The following NBAS variants were observed in gnomAD, a reference collection of about 807,000 sequenced individuals.
NBAS encodes NAG/BC035112 fusion.
A neutral mutation model predicts 302.5 loss-of-function variants in NBAS; 219 were observed. The ratio of observed to expected loss-of-function variants is 0.72; its 90% CI spans 0.65 to 0.81. The LOEUF (loss-of-function observed/expected upper bound fraction) is 0.81. Ranked by LOEUF, NBAS falls within the 30% of genes least tolerant of loss-of-function variation. The pLI, the probability that NBAS is intolerant of heterozygous loss-of-function variation, is 0.00. For missense variants in NBAS, 2,932 were observed against 2,841.6 expected, an observed-to-expected ratio of 1.03 and a Z score of -0.72; for synonymous variants, 1,118 against 1,021.6, an observed-to-expected ratio of 1.09 and a Z score of -1.80.
chr2:15,222,654 A>T (rs1157438637), intron 47 of NBAS, among the ~76,000 whole-genome samples: 1 of 152,200 alleles, frequency 6.6e-6, no homozygotes, highest in Non-Finnish European at 1.5e-5. Context: ...TGGCATTTTG[A>T]GCTGAATGAT....
chr2:15,121,281 C>T, the NBAS span, among the ~76,000 whole-genome samples: 1 of 152,168 alleles, frequency 6.6e-6, no homozygotes, highest in Non-Finnish European at 1.5e-5. Context: ...GCTTAACTCC[C>T]TTCTGTAGCT....
chr2:15,462,898 G>A (rs1452950861), intron 19 of NBAS, among the ~76,000 whole-genome samples: 1 of 152,192 alleles, frequency 6.6e-6, no homozygotes, highest in Admixed American at 6.5e-5. Flanking sequence ...CATCTGAAAA[G>A]TAGATGGAGG....
chr2:14,789,475 G>A, the NBAS span, among the ~76,000 whole-genome samples: 1 of 152,114 alleles, frequency 6.6e-6, no homozygotes, highest in Admixed American at 6.6e-5. Flanking sequence ...GGCCATATTG[G>A]CTGCCAAGTT....
chr2:15,341,632 C>T (rs1672857816), intron 35 of NBAS, among the ~76,000 whole-genome samples: 1 of 151,824 alleles, frequency 6.6e-6, no homozygotes, highest in Non-Finnish European at 1.5e-5. Flanking sequence ...AATGCACGGG[C>T]CTTATGAAGA....
intron 35 of NBAS, among the ~76,000 whole-genome samples, chr2:15,331,737 C>A (rs957248308): frequency 2.6e-5 from 4 of 152,192 alleles, no homozygotes; most frequent in African/African-American, 9.7e-5. Context: ...TTAGATCAAG[C>A]TGACAGTTGC....
chr2:15,126,588 A>T, the NBAS span, among the ~76,000 whole-genome samples: 1 of 152,098 alleles, frequency 6.6e-6, no homozygotes, highest in Non-Finnish European at 1.5e-5. Context: ...GGGTACTGAT[A>T]CTCCACACTC....
intron 1 of NBAS, among the ~76,000 whole-genome samples, chr2:15,558,885 G>A (rs773257331): frequency 6.6e-6 from 1 of 151,694 alleles, no homozygotes; most frequent in South Asian, 2.1e-4. Context: ...CCTGAGCAAC[G>A]TGGCAAAACC....
At chr2:15,225,851 T>C (rs934815467) in intron 47 of NBAS, among the ~76,000 whole-genome samples, 12 of 152,168 alleles carry the variant, frequency 7.9e-5, no homozygotes, top group Non-Finnish European at 1.6e-4. Flanking sequence ...GGAAGTTTTT[T>C]AAAGCTAGAT....
chr2:15,513,989 T>C (rs1312570301), intron 9 of NBAS, among the ~76,000 whole-genome samples: 2 of 152,044 alleles, frequency 1.3e-5, no homozygotes, highest in East Asian at 3.9e-4. Flanking sequence ...AGAACCTGTC[T>C]AAAAAAGAGG....
intron 41 of NBAS, 30 bp from the exon 42 acceptor site, chr2:15,287,213 G>A: frequency 6.4e-7 from 1 of 1,561,850 alleles, no homozygotes; most frequent in Non-Finnish European, 8.8e-7. Flanking sequence ...GCCCAGGAAG[G>A]GAGAGAGGAG....
At chr2:14,959,043 T>C in the NBAS span, among the ~76,000 whole-genome samples, 1 of 151,796 alleles carries the variant, frequency 6.6e-6, no homozygotes, top group Non-Finnish European at 1.5e-5. Context: ...AAGGAAGGAG[T>C]TGAGAAGAAC....
intron 31 of NBAS, among the ~76,000 whole-genome samples, chr2:15,374,329 G>A (rs1257750523): frequency 1.3e-5 from 2 of 151,776 alleles, no homozygotes; most frequent in African/African-American, 4.8e-5. Context: ...ATCTTTTTTT[G>A]TTTTTACTCT....
intron 23 of NBAS, 71 bp downstream of exon 23, chr2:15,424,244 G>GTGTACT: frequency 6.4e-7 from 1 of 1,553,624 alleles, no homozygotes; most frequent in Admixed American, 1.7e-5. Context: ...CCCCGACTCC[G>GTGTACT]TGTACTGAAT....
intron 50 of NBAS, 21 bp downstream of exon 50, chr2:15,186,721 G>A: frequency 6.2e-7 from 1 of 1,613,640 alleles, no homozygotes; most frequent in Non-Finnish European, 8.5e-7. Context: ...CCTTAGGAAA[G>A]CACTCAAAAT....
the NBAS span, among the ~76,000 whole-genome samples, chr2:15,069,996 C>A: frequency 2.5e-4 from 6 of 23,530 alleles, no homozygotes; most frequent in Admixed American, 1.4e-3. Flanking sequence ...TTGGTCAGAA[C>A]CCCCCCACCA....
intron 10 of NBAS, among the ~76,000 whole-genome samples, chr2:15,509,665 T>C (rs1047368154): frequency 6.6e-6 from 1 of 152,266 alleles, no homozygotes; most frequent in African/African-American, 2.4e-5. Context: ...TCTTTAATAG[T>C]TTGTTGTTTT....
chr2:15,035,009 G>A, the NBAS span, among the ~76,000 whole-genome samples: 8 of 152,094 alleles, frequency 5.3e-5, no homozygotes, highest in East Asian at 1.5e-3. Flanking sequence ...ATATCAGTAT[G>A]TATAGACTTC....
chr2:14,832,520 A>G, the NBAS span, among the ~76,000 whole-genome samples: 2 of 152,228 alleles, frequency 1.3e-5, no homozygotes, highest in South Asian at 4.2e-4. Context: ...TCACCCACTA[A>G]GAACCACTCC....
chr2:14,864,829 G>A, the NBAS span, among the ~76,000 whole-genome samples: 34 of 152,230 alleles, frequency 2.2e-4, no homozygotes, highest in Admixed American at 2.1e-3. Flanking sequence ...AATTAAATAC[G>A]GTAATACATA....
Sources: gnomAD v4.1 joint callset for allele counts (sites outside exome capture counted in the v4.1 genomes callset) on GRCh38, gnomAD v4.1.1 for gene constraint, MANE v1.5 for transcripts, NCBI Gene and HGNC (gene_info 2026-07-23, HGNC 2026-07-21) for gene names.